PCDHGB7: variants seen among roughly 807,000 people sequenced by gnomAD.
PCDHGB7 encodes the protein protocadherin gamma-B7.
A neutral mutation model predicts 61.4 loss-of-function variants in PCDHGB7; 37 were observed. The ratio of observed to expected loss-of-function variants is 0.60; its 90% CI spans 0.46 to 0.79. The LOEUF is 0.79. Ranked by LOEUF, PCDHGB7 falls within the 30% of genes least tolerant of loss-of-function variation. The pLI is 0.00. For synonymous variants in PCDHGB7, 464 were observed against 503.5 expected (o/e 0.92, Z 1.05); for missense variants, 1,166 against 1,202.5 (o/e 0.97, Z 0.45).
chr5:141,418,413 A>T lies in PCDHGB7; in HGVS notation c.554A>T (p.Asn185Ile). 1 of 1,614,048 alleles carries T rather than the reference A, an allele frequency of 6.2e-7. No homozygotes were observed. Among genetic ancestry groups the T allele is most frequent in the Non-Finnish European group, 8.5e-7 (1 of 1,179,894 alleles). Residue 185 changes from asparagine to isoleucine, a missense_variant, in exon 1 of 4, where the codon AAT (asparagine) becomes ATT (isoleucine). Physicochemically the swap from Asn to Ile is moderately radical, Grantham distance 149 (BLOSUM62 -3). Coordinates refer to ENST00000398594, the MANE Select transcript of PCDHGB7 (RefSeq NM_018927.4). ...NEYFSLVEKD[N>I]PDGGKYPELV... ...TATTTCTCATTGGTGGAGAAAGACA[A>T]TCCTGATGGTGGCAAATATCCAGAA...
rs762574320 is a variant in PCDHGB7, at chr5:141,485,926, G to A, written c.2416-8881G>A. The A allele has an allele frequency of 2.0e-5, 32 of 1,614,090 alleles. No individual in the cohort carries two copies. Among genetic ancestry groups the A allele is most frequent in the Admixed American group, 1.2e-4 (7 of 60,006 alleles). ...AGCAATCCAGCTACAGGATTAGTGT[G>A]TTGGAGAGCGCACCAGCGGGCATGG... On this transcript the variant is annotated intron_variant, in intron 1 of 3. Transcript: ENST00000398594. The surrounding 1 kb of genome is among the most constrained non-coding windows in gnomAD (Gnocchi z 5.7).
chr5:141,488,564 G>A (rs1047904416), intron 1 of PCDHGB7, among the ~76,000 whole-genome samples: 4 of 152,154 alleles, frequency 2.6e-5, no homozygotes, highest in Non-Finnish European at 5.9e-5. Context: ...TGAGATTTCC[G>A]CAAAGCATTG....
Position 141,491,900 on chromosome 5 carries a change from G to T in PCDHGB7, c.2416-2907G>T. The T allele has an allele frequency of 7.0e-7, 1 of 1,429,936 alleles. No homozygotes were observed. The highest frequency in any genetic ancestry group is 1.5e-5 in the South Asian group (1 of 67,072). 88.6% of individuals were successfully genotyped at this position (1,429,936 alleles called of 1,614,324 possible). A position where few individuals can be genotyped will look rare whatever the true frequency, so the allele number is the denominator to read the frequency against. ...TAAGGGATGGGGCTCCGAGCACCGG[G>T]GGTGGTGGCGACTGTGGGCGAGGGG... On this transcript the variant is annotated intron_variant, in intron 1 of 3. Transcript: ENST00000398594. This position sits in a 1 kb window ranked among gnomAD's most constrained non-coding sequence, Gnocchi z 6.9.
chr5:141,452,654 T>C (rs2098746449), intron 1 of PCDHGB7, among the ~76,000 whole-genome samples: 1 of 151,162 alleles, frequency 6.6e-6, no homozygotes, highest in Non-Finnish European at 1.5e-5. Context: ...ATTTGCTCCA[T>C]CCACTGCACT....
intron 1 of PCDHGB7, chr5:141,424,630 A>G (rs1440031596): frequency 1.3e-5 from 2 of 152,366 alleles, no homozygotes; most frequent in East Asian, 3.9e-4. Flanking sequence ...TTGTGAATAT[A>G]TAAATAGATT....
Position 141,431,168 on chromosome 5 carries a change from G to A in PCDHGB7, c.2415+10894G>A, listed in dbSNP as rs779778442. On this transcript the variant is annotated intron_variant, in intron 1 of 3. Coordinates refer to ENST00000398594, the MANE Select transcript of PCDHGB7 (RefSeq NM_018927.4). This position sits in a 1 kb window ranked among gnomAD's most constrained non-coding sequence, Gnocchi z 4.8. Reference sequence around the variant, plus strand: ...CAATGCGCCTTACTTTCGTGAAAGTGAATTAGAAATAAAAATTAGTGAAAA... The same window carrying A: ...CAATGCGCCTTACTTTCGTGAAAGTAAATTAGAAATAAAAATTAGTGAAAA... The A allele has an allele frequency of 9.9e-6, 16 of 1,614,206 alleles. No individual in the cohort carries two copies. The Admixed American group carries it at 1.2e-4, about 12-fold the overall frequency.
intron 2 of PCDHGB7, among the ~76,000 whole-genome samples, chr5:141,499,984 G>A (rs1350203006): frequency 6.6e-6 from 1 of 151,872 alleles, no homozygotes; most frequent in East Asian, 1.9e-4. Context: ...CACCTTGCCC[G>A]GCCAGATGAT....
At chr5:141,435,054 C>A (rs891988253) in intron 1 of PCDHGB7, among the ~76,000 whole-genome samples, 7 of 151,964 alleles carry the variant, frequency 4.6e-5, no homozygotes, top group Admixed American at 1.3e-4. Context: ...ATTGACCATG[C>A]AGCAGTTTTG....
intron 2 of PCDHGB7, among the ~76,000 whole-genome samples, chr5:141,499,370 AT>A (rs932083472): frequency 2.0e-5 from 3 of 152,170 alleles, no homozygotes. Context: ...TAGCAACTTA[AT>A]TTTTTTCCAC....
Position 141,511,202 on chromosome 5 carries a change from C to A in PCDHGB7, c.*29C>A. On this transcript the variant is annotated 3_prime_UTR_variant, in exon 4 of 4. Transcript: ENST00000398594. ...GGAGGCCAGGCCAAGAGCCACAGGG[C>A]GGCCTCTCCCCAACCAGCCCAGCTT... The A allele has an allele frequency of 6.2e-7, 1 of 1,612,136 alleles. No individual in the cohort carries two copies.
At chr5:141,458,803 G>A (rs2098953701) in intron 1 of PCDHGB7, among the ~76,000 whole-genome samples, 2 of 152,130 alleles carry the variant, frequency 1.3e-5, no homozygotes, top group African/African-American at 4.8e-5. Flanking sequence ...TGTGATCTCA[G>A]CTCACTGCAA....
In PCDHGB7 at chr5:141,489,291, C is replaced by A; in HGVS notation, c.2416-5516C>A. ...TCGCTGGGAAATGGCAAGTGCTGTG[C>A]ATGTTGTCCTTGTGCTGCTGGGGCT... is the stretch of plus-strand genomic sequence containing the variant. On this transcript the variant is annotated intron_variant, in intron 1 of 3. Transcript: ENST00000398594. This position sits in a 1 kb window ranked among gnomAD's most constrained non-coding sequence, Gnocchi z 4.5. 6.3e-7 allele frequency: 1 copy of A among 1,577,628 alleles called. No homozygotes were observed. The highest frequency in any genetic ancestry group is 8.6e-7 in the Non-Finnish European group (1 of 1,161,994).
intron 3 of PCDHGB7, chr5:141,507,424 G>C (rs577364087): frequency 6.6e-6 from 1 of 152,202 alleles, no homozygotes; most frequent in African/African-American, 2.4e-5. Context: ...GGTTAAGTGG[G>C]GCCAGGCCTA....
In PCDHGB7 at chr5:141,421,044, C is replaced by A. The variant is rs556562994; in HGVS notation, c.2415+770C>A. 5.5e-6 allele frequency: 3 copies of A among 548,610 alleles called. No individual in the cohort carries two copies. In the South Asian group the frequency reaches 8.2e-5, roughly 15 times the overall value. The allele number at this position is 548,610 out of a possible 1,614,324, so 34.0% of individuals were successfully genotyped here. A position where few individuals can be genotyped will look rare whatever the true frequency, so the allele number is the denominator to read the frequency against. ...CGCGCCATTGAGTCCCTCCCTCCCCCGCCTCTACCACACAAAGCGGAATGA... is the reference window on the plus strand; with the variant it reads ...CGCGCCATTGAGTCCCTCCCTCCCCAGCCTCTACCACACAAAGCGGAATGA... On this transcript the variant is annotated intron_variant, in intron 1 of 3. Transcript: ENST00000398594.
chr5:141,423,323 C>A (rs200492485), intron 1 of PCDHGB7: 91 of 1,614,146 alleles, frequency 5.6e-5, no homozygotes, highest in Non-Finnish European at 4.2e-6. Flanking sequence ...GTGGCGGTGG[C>A]CGCAGTCTCC....
In PCDHGB7 at chr5:141,432,365, G is replaced by A. The variant is rs1561860587; in HGVS notation, c.2415+12091G>A. The A allele has an allele frequency of 6.2e-7, 1 of 1,614,224 alleles. No homozygotes were observed. The highest frequency in any genetic ancestry group is 2.2e-5 in the East Asian group (1 of 44,882). ...CTTGCAAGTGAAAGTGATGGCGCGG[G>A]ACAACGGGCACCCGCCCCTCAGCAG... On this transcript the variant is annotated intron_variant, in intron 1 of 3. Transcript: ENST00000398594. The surrounding 1 kb of genome is among the most constrained non-coding windows in gnomAD (Gnocchi z 6.0).
chr5:141,477,315 C>G lies in PCDHGB7; in HGVS notation c.2416-17492C>G. 2 of 1,614,188 alleles carry G rather than the reference C, an allele frequency of 1.2e-6. No individual in the cohort carries two copies. Among genetic ancestry groups the G allele is most frequent in the African/African-American group, 2.7e-5 (2 of 75,042 alleles). On this transcript the variant is annotated intron_variant, in intron 1 of 3. Coordinates refer to ENST00000398594, the MANE Select transcript of PCDHGB7 (RefSeq NM_018927.4). The surrounding 1 kb of genome is among the most constrained non-coding windows in gnomAD (Gnocchi z 4.9). ...CCACCGGGTCTCCCTTTCAGCCTTA[C>G]TTCTTCCCTCAAGAATTACTTCACT...
At chr5:141,482,606 T>G (rs2099569173) in intron 1 of PCDHGB7, among the ~76,000 whole-genome samples, 1 of 146,712 alleles carries the variant, frequency 6.8e-6, no homozygotes, top group African/African-American at 2.6e-5. Context: ...AAAAAACACC[T>G]AAATGAGCCT....
At chr5:141,444,358 A>T (rs2098433774) in intron 1 of PCDHGB7, among the ~76,000 whole-genome samples, 1 of 151,436 alleles carries the variant, frequency 6.6e-6, no homozygotes, top group Non-Finnish European at 1.5e-5. Context: ...TTTAGTAGAG[A>T]CGGGGTTTCT....
Sources: allele counts gnomAD v4.1 joint callset (sites outside exome capture counted in the v4.1 genomes callset), GRCh38; gene constraint gnomAD v4.1.1; non-coding constraint Gnocchi (gnomAD v3.1); transcripts MANE v1.5; gene names NCBI Gene and HGNC (gene_info 2026-07-23, HGNC 2026-07-21).